The following HIVEP1 variants were observed in gnomAD, a reference collection of about 807,000 sequenced individuals.
HIVEP1 encodes the protein zinc finger protein 40.
Under a neutral mutation model 180.0 loss-of-function variants are expected in HIVEP1, and 36 were observed. The ratio of observed to expected loss-of-function variants is 0.20; its 90% confidence interval spans 0.15 to 0.26. The LOEUF is 0.26. HIVEP1 is among the 10% of genes least tolerant of loss of function. HIVEP1 has a pLI of 1.00. For synonymous variants in HIVEP1, 1,239 were observed against 1,239.0 expected, an observed-to-expected ratio of 1.00 and a Z score of 0.00; for missense variants, 3,143 against 3,268.7, an observed-to-expected ratio of 0.96 and a Z score of 0.94.
At chr6:12,012,677 C>CGTGTGT (rs138462020) in intron 1 of HIVEP1, 111 bp downstream of exon 1, 2 of 142,926 alleles carry the variant, frequency 1.4e-5, no homozygotes, top group African/African-American at 2.6e-5. Flanking sequence ...TGCGGGCGCG[C>CGTGTGT]GTGTGTGTGT....
At chr6:12,183,855 A>C in the HIVEP1 span, among the ~76,000 whole-genome samples, 1 of 152,224 alleles carries the variant, frequency 6.6e-6, no homozygotes, top group South Asian at 2.1e-4. Context: ...ATGTGAAGTT[A>C]CTGAAGTTTG....
In HIVEP1 at chr6:12,122,686, G is replaced by T. The variant is rs776986004; in HGVS notation, c.2891G>T (p.Cys964Phe). ...GRGTMFECET[C>F]RNRYRKLENF... ...GGGACAATGTTTGAGTGTGAAACTTGTAGAAACAGGTATAGGAAACTGGAA... is the reference window on the plus strand; with the variant it reads ...GGGACAATGTTTGAGTGTGAAACTTTTAGAAACAGGTATAGGAAACTGGAA... Residue 964 changes from cysteine (C) to phenylalanine (F), a missense_variant, in exon 4 of 9, where the codon TGT becomes TTT. This residue lies in a region of HIVEP1 where 204 missense variants were observed against 243.7 expected (regional missense o/e 0.84). Transcript: ENST00000379388. The T allele has an allele frequency of 1.9e-6, 3 of 1,614,066 alleles. No individual in the cohort carries two copies. The highest frequency in any genetic ancestry group is 1.3e-5 in the African/African-American group (1 of 74,920).
At chr6:12,072,862 TC>T (rs1179625911) in intron 2 of HIVEP1, among the ~76,000 whole-genome samples, 1 of 152,208 alleles carries the variant, frequency 6.6e-6, no homozygotes, top group Non-Finnish European at 1.5e-5. Flanking sequence ...TCTTTACCCA[TC>T]TTTTTTCTGT....
At chr6:12,047,072 G>A (rs1219759073) in intron 2 of HIVEP1, among the ~76,000 whole-genome samples, 2 of 151,942 alleles carry the variant, frequency 1.3e-5, no homozygotes, top group African/African-American at 4.8e-5. Flanking sequence ...TGTTGGCCAG[G>A]CTGGTCTGGA....
chr6:12,212,031 C>T, the HIVEP1 span, among the ~76,000 whole-genome samples: 2 of 152,162 alleles, frequency 1.3e-5, no homozygotes, highest in African/African-American at 2.4e-5. Context: ...ATGCCCCGTC[C>T]GGAGGGCACA....
chr6:12,183,614 T>C, the HIVEP1 span, among the ~76,000 whole-genome samples: 1 of 152,220 alleles, frequency 6.6e-6, no homozygotes, highest in African/African-American at 2.4e-5. Flanking sequence ...CTCATCTTTT[T>C]GCCACCTTTC....
chr6:12,161,313 C>T (rs555898774), intron 7 of HIVEP1, 126 bp from the exon 8 acceptor site: 172 of 877,396 alleles, frequency 2.0e-4, no homozygotes, highest in Middle Eastern at 3.2e-4. Context: ...GGCGGAGGCT[C>T]GTTGTGGGCA....
intron 3 of HIVEP1, among the ~76,000 whole-genome samples, chr6:12,104,126 C>G (rs1774265481): frequency 6.6e-6 from 1 of 152,032 alleles, no homozygotes; most frequent in Admixed American, 6.6e-5. Context: ...TTCATAGTTT[C>G]AAAGTGATGT....
intron 7 of HIVEP1, among the ~76,000 whole-genome samples, chr6:12,139,366 A>G (rs908401579): frequency 1.3e-5 from 2 of 152,150 alleles, no homozygotes; most frequent in Non-Finnish European, 2.9e-5. Flanking sequence ...GGAGGATTCC[A>G]TTCCAAGATG....
At chr6:12,033,464 G>C (rs959911521) in intron 2 of HIVEP1, among the ~76,000 whole-genome samples, 1 of 152,136 alleles carries the variant, frequency 6.6e-6, no homozygotes, top group African/African-American at 2.4e-5. Context: ...GATTATCAAA[G>C]AATGTACTGA....
rs569240960 is a variant in HIVEP1, at chr6:12,163,395, A to G, written c.7091A>G (p.Gln2364Arg). 21 of 1,614,196 alleles carry G rather than the reference A, an allele frequency of 1.3e-5. No individual in the cohort carries two copies. The highest frequency in any genetic ancestry group is 1.7e-5 in the Non-Finnish European group (20 of 1,180,026). The change falls in exon 9 of 9, where the codon CAA becomes CGA. Residue 2364 changes from glutamine (Q) to arginine (R), a missense_variant. By Grantham distance (43) the Gln-to-Arg change is conservative. Around this residue, in one of 12 missense-constraint regions of HIVEP1, gnomAD observed 595 missense variants for 602.2 expected, o/e 0.99. Coordinates refer to ENST00000379388, the MANE Select transcript of HIVEP1 (RefSeq NM_002114.4). ...CCTGACCCTCAAGAACAGAAGCAGCAAATAACTCTACAGCCGACTCCAGGC... is the reference window on the plus strand; with the variant it reads ...CCTGACCCTCAAGAACAGAAGCAGCGAATAACTCTACAGCCGACTCCAGGC... ...PHPDPQEQKQQITLQPTPGLP... is the reference protein window; with the variant it reads ...PHPDPQEQKQRITLQPTPGLP...
chr6:12,020,368 C>G (rs966895815), intron 2 of HIVEP1: 3 of 471,082 alleles, frequency 6.4e-6, no homozygotes, highest in East Asian at 6.9e-5. Context: ...TCCTGGGTTC[C>G]GTGGAGAAGG....
chr6:12,176,436 T>A, the HIVEP1 span, among the ~76,000 whole-genome samples: 1 of 152,074 alleles, frequency 6.6e-6, no homozygotes, highest in Admixed American at 6.5e-5. Flanking sequence ...TTCACCATGT[T>A]GGCCAGGCTG....
At chr6:12,028,031 GAAT>G (rs1174887635) in intron 2 of HIVEP1, among the ~76,000 whole-genome samples, 1 of 152,184 alleles carries the variant, frequency 6.6e-6, no homozygotes, top group African/African-American at 2.4e-5. Flanking sequence ...GTTGTTTGGG[GAAT>G]ACTTTGGAAA....
intron 2 of HIVEP1, among the ~76,000 whole-genome samples, chr6:12,045,862 A>G (rs1770083384): frequency 6.6e-6 from 1 of 152,244 alleles, no homozygotes; most frequent in Admixed American, 6.5e-5. Context: ...ATAATAACGA[A>G]TAGTCCCAAA....
In HIVEP1 at chr6:12,123,660, A is replaced by T; in HGVS notation, c.3865A>T (p.Ile1289Leu). The T allele has an allele frequency of 6.2e-7, 1 of 1,614,078 alleles. No individual in the cohort carries two copies. Among genetic ancestry groups the T allele is most frequent in the South Asian group, 1.1e-5 (1 of 91,076 alleles). ...PKKKRLRLAE[I>L]EHSSTESSFD... ...AAAGAAAAGGCTCCGTCTGGCTGAGATAGAACATTCCTCAACAGAATCGAG... is the reference window on the plus strand; with the variant it reads ...AAAGAAAAGGCTCCGTCTGGCTGAGTTAGAACATTCCTCAACAGAATCGAG... Residue 1289 changes from isoleucine to leucine, a missense_variant, in exon 4 of 9, where the codon ATA (isoleucine) becomes TTA (leucine). Coordinates refer to ENST00000379388, the MANE Select transcript of HIVEP1 (RefSeq NM_002114.4).
At chr6:12,198,987 C>T in the HIVEP1 span, among the ~76,000 whole-genome samples, 1 of 152,188 alleles carries the variant, frequency 6.6e-6, no homozygotes, top group African/African-American at 2.4e-5. Context: ...GTGTTGGTGG[C>T]TTGAGCCAGG....
the HIVEP1 span, among the ~76,000 whole-genome samples, chr6:12,211,260 C>T: frequency 0.047 from 3,740 of 79,856 alleles, 137 homozygotes; most frequent in Admixed American, 0.053. Flanking sequence ...ATTAGCCGGG[C>T]GTGGTGGCAG....
Position 12,057,178 on chromosome 6 carries a change from G to A in HIVEP1, c.41-32006G>A, listed in dbSNP as rs150873227. Among the ~76,000 whole-genome samples the A allele has an allele frequency of 2.3e-3, 352 of 152,178 alleles. 2 individuals are homozygous for A. Among genetic ancestry groups the A allele is most frequent in the African/African-American group, 7.9e-3 (330 of 41,520 alleles). On this transcript the variant is annotated intron_variant, in intron 2 of 8. Coordinates refer to ENST00000379388, the MANE Select transcript of HIVEP1 (RefSeq NM_002114.4). ...GCTCTAACTTGGTGATGATATTTTAGTCTTTTTATATACTTGAGTACAACT... is the reference window on the plus strand; with the variant it reads ...GCTCTAACTTGGTGATGATATTTTAATCTTTTTATATACTTGAGTACAACT...
Sources: gnomAD v4.1 joint callset for allele counts (sites outside exome capture counted in the v4.1 genomes callset) on GRCh38, gnomAD v4.1.1 for gene constraint, gnomAD v4.1.1 regional missense constraint, MANE v1.5 for transcripts, NCBI Gene and HGNC (gene_info 2026-07-23, HGNC 2026-07-21) for gene names.